The following PDE11A variants were observed in gnomAD, a reference collection of about 807,000 sequenced individuals.
The protein encoded by PDE11A is phosphodiesterase 11A.
A neutral mutation model predicts 100.5 loss-of-function variants in PDE11A; 100 were observed. That is an observed-to-expected ratio of 1.00 (90% CI 0.85 to 1.18). The LOEUF (loss-of-function observed/expected upper bound fraction) is 1.18, where lower values mean the gene tolerates loss of function less well. Ranked by LOEUF, PDE11A falls within the 50% of genes most tolerant of loss-of-function variation. The pLI, the probability that PDE11A is intolerant of heterozygous loss-of-function variation, is 0.00. For synonymous variants in PDE11A, 381 were observed against 420.8 expected (o/e 0.91, Z 1.16); for missense variants, 1,141 against 1,152.6 (o/e 0.99, Z 0.15).
At chr2:177,640,322 C>CA (rs551227442) in intron 19 of PDE11A, among the ~76,000 whole-genome samples, 395 of 152,116 alleles carry the variant, frequency 2.6e-3, no homozygotes, top group African/African-American at 9.2e-3. Flanking sequence ...AGGAAAATAT[C>CA]AAAAAAATCA....
intron 2 of PDE11A, among the ~76,000 whole-genome samples, chr2:177,916,906 G>GTC (rs1312596136): frequency 6.8e-6 from 1 of 147,392 alleles, no homozygotes; most frequent in Non-Finnish European, 1.5e-5. Flanking sequence ...GACTACAGGT[G>GTC]TCTGCCACCA....
chr2:177,928,648 T>G lies in PDE11A; in HGVS notation c.1072-23461A>C, dbSNP rs189753011. Reference sequence around the variant, plus strand: ...CAGAATAGCCAGGCACAATGGCTCATGCCTATAATCTCAGCACTTTGGAAA... The same window carrying G: ...CAGAATAGCCAGGCACAATGGCTCAGGCCTATAATCTCAGCACTTTGGAAA... On this transcript the variant is annotated intron_variant, in intron 2 of 19. Coordinates refer to ENST00000286063, the MANE Select transcript of PDE11A (RefSeq NM_016953.4). Among the ~76,000 whole-genome samples the G allele has an allele frequency of 1.6e-4, 24 of 152,364 alleles. No homozygotes were observed. In the East Asian group the frequency reaches 4.4e-3, roughly 28 times the overall value.
At chr2:177,954,318 C>T (rs182322256) in intron 2 of PDE11A, among the ~76,000 whole-genome samples, 7 of 152,102 alleles carry the variant, frequency 4.6e-5, no homozygotes, top group Non-Finnish European at 7.4e-5. Flanking sequence ...TACTCATTTC[C>T]ATCATTCTTA....
In PDE11A at chr2:177,890,153, T is replaced by C. The variant is rs888115001; in HGVS notation, c.1302+7905A>G. Among the ~76,000 whole-genome samples, 10 of 152,360 alleles carry C rather than the reference T, an allele frequency of 6.6e-5. 1 individual carries two copies. The highest frequency in any genetic ancestry group is 3.4e-3 in the Middle Eastern group (1 of 294). On this transcript the variant is annotated intron_variant, in intron 4 of 19. Coordinates refer to ENST00000286063, the MANE Select transcript of PDE11A (RefSeq NM_016953.4). ...GCTTACTGTAAAGTCCAATATGACA[T>C]AGATATTTTTGTGTAATGAATTAGC...
intron 19 of PDE11A, among the ~76,000 whole-genome samples, chr2:177,650,993 G>A: frequency 6.6e-6 from 1 of 152,222 alleles, no homozygotes; most frequent in Non-Finnish European, 1.5e-5. Flanking sequence ...AGATTTGAAA[G>A]CAGAAAGAAT....
rs59810872 is a variant in PDE11A, at chr2:177,755,400, C to T, written c.1788+13923G>A. 3.6e-3 allele frequency among the ~76,000 whole-genome samples: 551 copies of T among 152,268 alleles called. 4 individuals carry two copies. The highest frequency in any genetic ancestry group is 0.012 in the African/African-American group (515 of 41,556). On this transcript the variant is annotated intron_variant, in intron 10 of 19. Coordinates refer to ENST00000286063, the MANE Select transcript of PDE11A (RefSeq NM_016953.4). ...CCAGTTTCTAGACATTACGAAGAGG[C>T]TCTTGTGAGCATCTTGCCTGTATCC...
chr2:177,686,321 C>G (rs960718686), intron 15 of PDE11A, among the ~76,000 whole-genome samples: 4 of 152,190 alleles, frequency 2.6e-5, no homozygotes, highest in Non-Finnish European at 1.5e-5. Context: ...AATCCCAGTG[C>G]TTTGGGGGGC....
chr2:177,700,460 A>G (rs2081181047), intron 14 of PDE11A, among the ~76,000 whole-genome samples: 1 of 151,034 alleles, frequency 6.6e-6, no homozygotes, highest in African/African-American at 2.4e-5. Flanking sequence ...CTTTCCTGGC[A>G]ATTTAAAACT....
chr2:177,966,289 A>G (rs757750718), intron 2 of PDE11A, among the ~76,000 whole-genome samples: 1 of 152,208 alleles, frequency 6.6e-6, no homozygotes, highest in Non-Finnish European at 1.5e-5. Flanking sequence ...GTATAAAATC[A>G]TATCATCTGG....
intron 12 of PDE11A, among the ~76,000 whole-genome samples, chr2:177,713,260 C>T (rs2081383903): frequency 6.6e-6 from 1 of 152,122 alleles, no homozygotes; most frequent in African/African-American, 2.4e-5. Flanking sequence ...CCACCCATCT[C>T]GGCCTCTCAA....
chr2:177,840,087 G>C (rs2083464946), intron 6 of PDE11A, among the ~76,000 whole-genome samples, 164 bp downstream of exon 6: 1 of 152,210 alleles, frequency 6.6e-6, no homozygotes, highest in African/African-American at 2.4e-5. Flanking sequence ...GGTAGAGTCA[G>C]ACAAGTTTTT....
rs78599237 is a variant in PDE11A at position 177,938,683 on chromosome 2, G to A, written c.1072-33496C>T. Among the ~76,000 whole-genome samples the A allele has an allele frequency of 6.1e-3, 934 of 152,292 alleles. 10 individuals carry two copies. Among genetic ancestry groups the A allele is most frequent in the African/African-American group, 0.021 (890 of 41,568 alleles). The stretch of plus-strand genomic sequence containing the variant: ...GGAACCCATCGTAGTGAGGTGTAGT[G>A]TAGATTCCTATTAAAAAGAAAGAAG... On this transcript the variant is annotated intron_variant, in intron 2 of 19. Coordinates refer to ENST00000286063, the MANE Select transcript of PDE11A (RefSeq NM_016953.4).
chr2:177,749,217 G>GTTTGTTTT (rs1559172023), intron 10 of PDE11A, among the ~76,000 whole-genome samples: 1 of 151,810 alleles, frequency 6.6e-6, no homozygotes. Context: ...TTGTTTGTTT[G>GTTTGTTTT]TTTTGTGAGA....
At chr2:177,762,694 G>A (rs1281846012) in intron 10 of PDE11A, among the ~76,000 whole-genome samples, 1 of 152,000 alleles carries the variant, frequency 6.6e-6, no homozygotes, top group Non-Finnish European at 1.5e-5. Flanking sequence ...GAGAAGGTGG[G>A]AGAAAATCCT....
chr2:177,842,281 G>A (rs564192855), intron 5 of PDE11A, among the ~76,000 whole-genome samples: 2 of 152,294 alleles, frequency 1.3e-5, no homozygotes, highest in Admixed American at 6.5e-5. Flanking sequence ...GTAGGGTGGG[G>A]CTCAAGGAAG....
chr2:177,947,960 CT>C (rs1003397994), intron 2 of PDE11A, among the ~76,000 whole-genome samples: 2 of 151,914 alleles, frequency 1.3e-5, no homozygotes, highest in Non-Finnish European at 1.5e-5. Flanking sequence ...TCAATATTTT[CT>C]TTTGTTTCCT....
chr2:177,910,581 C>T (rs1035263234), intron 2 of PDE11A, among the ~76,000 whole-genome samples: 37 of 152,218 alleles, frequency 2.4e-4, no homozygotes, highest in Non-Finnish European at 4.0e-4. Context: ...GCCTTAATGA[C>T]TAAGAAGCAA....
chr2:178,005,110 C>T (rs186456006), intron 2 of PDE11A, among the ~76,000 whole-genome samples: 1 of 149,958 alleles, frequency 6.7e-6, no homozygotes, highest in East Asian at 2.0e-4. Context: ...TGAGTTGAGT[C>T]CCCTTTACTC....
intron 9 of PDE11A, among the ~76,000 whole-genome samples, chr2:177,792,297 G>A (rs538938911): frequency 2.6e-5 from 4 of 152,250 alleles, no homozygotes; most frequent in African/African-American, 7.2e-5. Context: ...AACTTGGATT[G>A]GTTATTGCTG....
Sources: gnomAD v4.1 joint callset for allele counts (sites outside exome capture counted in the v4.1 genomes callset) on GRCh38, gnomAD v4.1.1 for gene constraint, MANE v1.5 for transcripts, NCBI Gene and HGNC (gene_info 2026-07-23, HGNC 2026-07-21) for gene names.